Variants in SDAD1 observed in about 807,000 individuals in gnomAD.
SDAD1 encodes the protein protein SDA1 homolog.
A neutral mutation model predicts 100.3 loss-of-function variants in SDAD1; 79 were observed. That is an observed-to-expected ratio of 0.79 (90% confidence interval 0.66 to 0.95). SDAD1 has a LOEUF of 0.95. SDAD1 is among the 40% of genes least tolerant of loss of function. SDAD1 has a pLI of 0.00. For synonymous variants in SDAD1, 267 were observed against 271.4 expected (o/e 0.98, Z 0.16); for missense variants, 790 against 810.9 (o/e 0.97, Z 0.31).
At chr4:75,957,196 TTC>T (rs1560535957) in intron 20 of SDAD1, 127 bp downstream of exon 20, 5 of 703,200 alleles carry the variant, frequency 7.1e-6, no homozygotes, top group African/African-American at 3.6e-5. Context: ...GCATTTTAAT[TTC>T]TGTGTTAATT....
chr4:75,959,178 C>T (rs557227628), intron 17 of SDAD1, among the ~76,000 whole-genome samples: 203 of 150,018 alleles, frequency 1.4e-3, no homozygotes, highest in African/African-American at 4.6e-3. Flanking sequence ...TGCCCTTATG[C>T]CCCCACCCAC....
intron 14 of SDAD1, among the ~76,000 whole-genome samples, chr4:75,963,581 G>A (rs947870654): frequency 3.3e-5 from 5 of 152,078 alleles, no homozygotes; most frequent in Non-Finnish European, 7.4e-5. Context: ...GTGGTTTGTA[G>A]TTCAAAGAGG....
chr4:75,984,215 G>A (rs1730732637), intron 1 of SDAD1, among the ~76,000 whole-genome samples: 1 of 150,754 alleles, frequency 6.6e-6, no homozygotes, highest in African/African-American at 2.4e-5. Context: ...AAGCTGGACT[G>A]CAGTGGCACA....
At position 75,950,785 on chromosome 4, in the gene SDAD1, C is replaced by T. The variant is rs1273373178; in HGVS notation, c.2029G>A (p.Asp677Asn). 1.0e-5 allele frequency: 16 copies of T among 1,587,470 alleles called. No homozygotes were observed. Among genetic ancestry groups the T allele is most frequent in the Non-Finnish European group, 1.3e-5 (15 of 1,159,496 alleles). Residue 677 changes from aspartate (D) to asparagine (N), a missense_variant, in exon 22 of 22, where the codon GAT becomes AAT. By Grantham distance (23) the Asp-to-Asn change is conservative. Transcript: ENST00000356260. ...SFREKQLALR[D>N]ALLKKRKRMK ...CTTTTTCTCTTTTTCAAAAGTGCAT[C>T]TCGTAGTGCCAACTGTAAGATAAAA...
chr4:75,970,920 T>C (rs1729835569), intron 9 of SDAD1, among the ~76,000 whole-genome samples: 1 of 152,236 alleles, frequency 6.6e-6, no homozygotes, highest in African/African-American at 2.4e-5. Flanking sequence ...GAACTGTGTG[T>C]CAATGAAATC....
Position 75,959,997 on chromosome 4 carries a change from A to G in SDAD1, c.1483+69T>C, listed in dbSNP as rs1729137935. 5 of 1,472,044 alleles carry G rather than the reference A, an allele frequency of 3.4e-6. No individual in the cohort carries two copies. The Admixed American group carries it at 1.1e-4, about 33-fold the overall frequency. The allele number at this position is 1,472,044 out of a possible 1,614,324, so 91.2% of individuals were successfully genotyped here. A position where few individuals can be genotyped will look rare whatever the true frequency, so the allele number is the denominator to read the frequency against. On this transcript the variant is annotated intron_variant, in intron 17 of 21. Transcript: ENST00000356260. ...TGCTGAATGAATGTTCAAATAGTAT[A>G]CAATTTAAAGGTCTGCACAGATACT...
intron 4 of SDAD1, 40 bp from the exon 5 acceptor site, chr4:75,976,035 C>A (rs751483163): frequency 4.6e-6 from 6 of 1,306,602 alleles, no homozygotes; most frequent in South Asian, 3.7e-5. Context: ...TAAACCTAAC[C>A]AACATTTTTA....
At position 75,957,617 on chromosome 4, in the gene SDAD1, T is replaced by C; in HGVS notation, c.1670A>G (p.Gln557Arg). ...TSRVLTQEDF[Q>R]KIRMAQMRKE... ...TCTCATTTGGGCCATGCGGATTTTC[T>C]GGAAGTCTTCCTGAGTTAAAACTCG... Residue 557 changes from glutamine (Q) to arginine (R), a missense_variant, in exon 19 of 22, where the codon CAG (glutamine) becomes CGG (arginine). Coordinates refer to ENST00000356260, the MANE Select transcript of SDAD1 (RefSeq NM_018115.4). 6.2e-7 allele frequency: 1 copy of C among 1,614,196 alleles called. No individual in the cohort carries two copies.
At chr4:75,982,536 T>C (rs565902398) in intron 1 of SDAD1, among the ~76,000 whole-genome samples, 8 of 152,036 alleles carry the variant, frequency 5.3e-5, no homozygotes, top group African/African-American at 1.9e-4. Context: ...TAATTCCAGC[T>C]ACTCAACAGG....
intron 6 of SDAD1, 72 bp downstream of exon 6, chr4:75,975,672 G>T: frequency 9.9e-7 from 1 of 1,007,030 alleles, no homozygotes; most frequent in Non-Finnish European, 1.5e-6. Flanking sequence ...AAAAGTATTT[G>T]TATATGTGCT....
chr4:75,986,985 T>G (rs1578153395), intron 1 of SDAD1, among the ~76,000 whole-genome samples: 1 of 151,916 alleles, frequency 6.6e-6, no homozygotes, highest in African/African-American at 2.4e-5. Flanking sequence ...ACCACTGAAC[T>G]CTGGCCTGGG....
Position 75,956,100 on chromosome 4 carries a change from T to G in SDAD1, c.1891A>C (p.Lys631Gln). 1 of 1,608,698 alleles carries G rather than the reference T, an allele frequency of 6.2e-7. No individual in the cohort carries two copies. Residue 631 changes from lysine to glutamine, a missense_variant, in exon 21 of 22, where the codon AAA becomes CAA. Physicochemically the swap from Lys to Gln is moderately conservative, Grantham distance 53 (BLOSUM62 1). Coordinates refer to ENST00000356260, the MANE Select transcript of SDAD1 (RefSeq NM_018115.4). Reference sequence around the variant, plus strand: ...CTGGAAAATGGATTTGTTTTGGTTTTCTTCCTCACAAATTCTTTTCGGTCT... The same window carrying G: ...CTGGAAAATGGATTTGTTTTGGTTTGCTTCCTCACAAATTCTTTTCGGTCT... ...KTDRKEFVRK[K>Q]TKTNPFSSST...
At chr4:75,959,322 G>A (rs1729100344) in intron 17 of SDAD1, among the ~76,000 whole-genome samples, 1 of 151,978 alleles carries the variant, frequency 6.6e-6, no homozygotes, top group African/African-American at 2.4e-5. Flanking sequence ...TGATCAAATA[G>A]GCTGGGTGCA....
At chr4:75,986,198 A>G (rs1332099874) in intron 1 of SDAD1, among the ~76,000 whole-genome samples, 2 of 152,078 alleles carry the variant, frequency 1.3e-5, no homozygotes, top group Non-Finnish European at 2.9e-5. Context: ...GGCTCACTGC[A>G]GCATCAAACT....
At chr4:75,955,749 C>CA (rs1253569329) in intron 21 of SDAD1, among the ~76,000 whole-genome samples, 1 of 152,218 alleles carries the variant, frequency 6.6e-6, no homozygotes. Flanking sequence ...AGCTGAGTCT[C>CA]AATCAAGTCA....
chr4:75,964,277 G>A (rs1325914254), intron 13 of SDAD1, 66 bp from the exon 14 acceptor site: 1 of 1,052,952 alleles, frequency 9.5e-7, no homozygotes, highest in East Asian at 2.5e-5. Context: ...ACATAAGAAT[G>A]AAAGGACAAT....
At chr4:75,988,433 T>C (rs964604119) in intron 1 of SDAD1, among the ~76,000 whole-genome samples, 1 of 152,192 alleles carries the variant, frequency 6.6e-6, no homozygotes, top group Non-Finnish European at 1.5e-5. Flanking sequence ...CTCTCCCTCA[T>C]GTCCTTCAGG....
At chr4:75,968,018 A>C (rs766229402) in intron 11 of SDAD1, among the ~76,000 whole-genome samples, 4 of 152,180 alleles carry the variant, frequency 2.6e-5, no homozygotes, top group Non-Finnish European at 5.9e-5. Flanking sequence ...AATTTTTTCT[A>C]TTTTAGCCAC....
At chr4:75,979,184 G>A (rs1386690962) in intron 3 of SDAD1, among the ~76,000 whole-genome samples, 1 of 151,674 alleles carries the variant, frequency 6.6e-6, no homozygotes, top group African/African-American at 2.4e-5. Flanking sequence ...GACTAAGTAG[G>A]TAAGAATTAC....
Sources: gnomAD v4.1 joint callset for allele counts (sites outside exome capture counted in the v4.1 genomes callset) on GRCh38, gnomAD v4.1.1 for gene constraint, MANE v1.5 for transcripts, NCBI Gene and HGNC (gene_info 2026-07-23, HGNC 2026-07-21) for gene names.